MON2: variants seen among roughly 807,000 people sequenced by gnomAD.
MON2 encodes the protein protein MON2 homolog.
A neutral mutation model predicts 208.6 loss-of-function variants in MON2; 84 were observed. That is an observed-to-expected ratio of 0.40 (90% confidence interval 0.34 to 0.48). MON2 has a LOEUF of 0.48. Among genes scored for constraint, MON2 ranks in the 20% least tolerant of loss-of-function variants. The pLI is 0.59. For synonymous variants in MON2, 660 were observed against 694.0 expected (o/e 0.95, Z 0.77); for missense variants, 1,611 against 2,015.4 (o/e 0.80, Z 3.84).
chr12:62,547,511 G>A (rs1436336750), intron 22 of MON2, among the ~76,000 whole-genome samples: 2 of 152,178 alleles, frequency 1.3e-5, no homozygotes, highest in African/African-American at 4.8e-5. Context: ...TTGCTTTAAA[G>A]TAACTTTTTC....
rs1014945983 is a variant in MON2 at position 62,547,762 on chromosome 12, G to A, written c.2753+690G>A. 5.3e-5 allele frequency among the ~76,000 whole-genome samples: 8 copies of A among 151,928 alleles called. 1 individual carries two copies. Among genetic ancestry groups the A allele is most frequent in the Admixed American group, 2.6e-4 (4 of 15,246 alleles). On this transcript the variant is annotated intron_variant, in intron 22 of 34. Transcript: ENST00000393630. Reference sequence around the variant, plus strand: ...CGTTTTCTATGTTTAGATATGTTTCGGTACATAAATACTTATATTATGTTA... The same window carrying A: ...CGTTTTCTATGTTTAGATATGTTTCAGTACATAAATACTTATATTATGTTA...
chr12:62,496,761 C>T (rs2070511648), intron 4 of MON2, among the ~76,000 whole-genome samples: 1 of 152,152 alleles, frequency 6.6e-6, no homozygotes, highest in African/African-American at 2.4e-5. Context: ...AAAATTCATT[C>T]ATAATGAACT....
chr12:62,541,006 G>A (rs528564186), intron 19 of MON2, among the ~76,000 whole-genome samples: 1 of 152,278 alleles, frequency 6.6e-6, no homozygotes, highest in Non-Finnish European at 1.5e-5. Flanking sequence ...TGTTCTTTAG[G>A]TGTGGCTTTA....
At chr12:62,512,520 AG>A (rs1208253866) in intron 8 of MON2, among the ~76,000 whole-genome samples, 1 of 152,158 alleles carries the variant, frequency 6.6e-6, no homozygotes, top group Non-Finnish European at 1.5e-5. Context: ...CACCGATGCA[AG>A]AGGAGGGTTC....
Position 62,580,120 on chromosome 12 carries a change from T to A in MON2, c.4576-177T>A, listed in dbSNP as rs111663275. 9.8e-5 allele frequency among the ~76,000 whole-genome samples: 15 copies of A among 152,302 alleles called. 1 individual carries two copies. The highest frequency in any genetic ancestry group is 2.9e-4 in the African/African-American group (12 of 41,562). On this transcript the variant is annotated intron_variant, in intron 31 of 34. Transcript: ENST00000393630. The stretch of plus-strand genomic sequence containing the variant: ...TTTGTATTAAAGTTACTAGGACAGA[T>A]GAGAGAAACAGATTAGTAGTCATTC...
rs760947971 is a variant in MON2, at chr12:62,534,896, T to C, written c.1685T>C (p.Leu562Pro). ...EMVNACWCGLLAALSLLLDAS... is the reference protein window; with the variant it reads ...EMVNACWCGLPAALSLLLDAS... ...GTGAATGCCTGCTGGTGTGGTCTTC[T>C]TGCTGCACTCTCACTCCTTCTTGAT... The change falls in exon 13 of 35, where the codon CTT becomes CCT. Residue 562 changes from leucine (L) to proline (P), a missense_variant. Transcript: ENST00000393630. The C allele has an allele frequency of 6.2e-7, 1 of 1,612,558 alleles. No individual in the cohort carries two copies. The highest frequency in any genetic ancestry group is 1.7e-5 in the Admixed American group (1 of 59,968).
Position 62,549,741 on chromosome 12 carries a change from A to T in MON2, c.2827A>T (p.Thr943Ser). ...AGATTTTCTACCAACAATGCCTTGT[A>T]CTTGCCTGCAAATAGTTGTAGATGT... ...VTDFLPTMPC[T>S]CLQIVVDVAG... is the part of the protein sequence containing the mutation. The change falls in exon 23 of 35, where the codon ACT becomes TCT. Residue 943 changes from threonine (T) to serine (S), a missense_variant. Physicochemically the swap from Thr to Ser is moderately conservative, Grantham distance 58. Coordinates refer to ENST00000393630, the MANE Select transcript of MON2 (RefSeq NM_015026.3). The T allele has an allele frequency of 6.2e-7, 1 of 1,613,316 alleles. No individual in the cohort carries two copies.
intron 19 of MON2, among the ~76,000 whole-genome samples, chr12:62,540,240 AC>A (rs978316501): frequency 6.6e-6 from 1 of 152,172 alleles, no homozygotes; most frequent in African/African-American, 2.4e-5. Context: ...AGAGGTTTCT[AC>A]TTTCAAAGAG....
Position 62,524,547 on chromosome 12 carries a change from G to C in MON2, c.1017G>C (p.Leu339=), listed in dbSNP as rs1032975079. The change falls in exon 9 of 35, where the codon CTG becomes CTC. Residue 339 remains leucine, a synonymous_variant. Transcript: ENST00000393630. Reference sequence around the variant, plus strand: ...AATGTGAGATATTTCTGTCACTTCTGGTGAAATTTCTGGATGCAGATAAAC... The same window carrying C: ...AATGTGAGATATTTCTGTCACTTCTCGTGAAATTTCTGGATGCAGATAAAC... ...VTECEIFLSL[L]VKFLDADKPQ... is the part of the protein sequence containing the mutation. 7 of 1,611,932 alleles carry C rather than the reference G, an allele frequency of 4.3e-6. No homozygotes were observed. Among genetic ancestry groups the C allele is most frequent in the Non-Finnish European group, 5.9e-6 (7 of 1,178,292 alleles).
chr12:62,484,119 T>C, intron 1 of MON2, 51 bp from the exon 2 acceptor site: 1 of 1,287,018 alleles, frequency 7.8e-7, no homozygotes, highest in Non-Finnish European at 1.1e-6. Context: ...TTTCCATAGA[T>C]AATTCATTTT....
Position 62,535,524 on chromosome 12 carries a change from G to A in MON2, c.1716-1G>A. On this transcript the variant is annotated splice_acceptor_variant, in intron 13 of 34. Coordinates refer to ENST00000393630, the MANE Select transcript of MON2 (RefSeq NM_015026.3). LOFTEE classifies it high-confidence loss of function. ...GATTAAATAAAATACTTTCTTTTCA[G>A]CACAGATGAAGCTGCCACTGAGAAT... 1.3e-6 allele frequency: 2 copies of A among 1,591,634 alleles called. No homozygotes were observed. Among genetic ancestry groups the A allele is most frequent in the Non-Finnish European group, 1.7e-6 (2 of 1,171,154 alleles).
At chr12:62,577,480 T>A (rs1043694546) in intron 30 of MON2, among the ~76,000 whole-genome samples, 5 of 152,134 alleles carry the variant, frequency 3.3e-5, no homozygotes, top group African/African-American at 1.2e-4. Flanking sequence ...AAATTGTACA[T>A]TATACTTAAT....
rs748325586 is a variant in MON2 at position 62,585,495 on chromosome 12, T to C, written c.4901T>C (p.Leu1634Pro). Residue 1634 changes from leucine to proline, a missense_variant, in exon 33 of 35, where the codon CTT becomes CCT. Physicochemically the swap from Leu to Pro is moderately conservative, Grantham distance 98 (BLOSUM62 -3). Transcript: ENST00000393630. ...EDERLSGKCP[L>P]PRQQVTEIIF... ...GAAAGATTAAGTGGTAAATGCCCTCTTCCAAGGTATATATTTCATTTTATT... is the reference window on the plus strand; with the variant it reads ...GAAAGATTAAGTGGTAAATGCCCTCCTCCAAGGTATATATTTCATTTTATT... 8 of 1,588,704 alleles carry C rather than the reference T, an allele frequency of 5.0e-6. No individual in the cohort carries two copies. In the South Asian group the frequency reaches 9.0e-5, roughly 18 times the overall value.
chr12:62,560,798 A>C lies in MON2; in HGVS notation c.3717A>C (p.Leu1239=). 6.2e-7 allele frequency: 1 copy of C among 1,614,150 alleles called. No individual in the cohort carries two copies. The highest frequency in any genetic ancestry group is 8.5e-7 in the Non-Finnish European group (1 of 1,179,986). ...IVTDELEDLN[L]WWAAWNTWYR... ...CTGATGAGCTTGAAGATTTGAATCTATGGTGGGCTGCGTGGAATACCTGGT... is the reference window on the plus strand; with the variant it reads ...CTGATGAGCTTGAAGATTTGAATCTCTGGTGGGCTGCGTGGAATACCTGGT... The change falls in exon 26 of 35, where the codon CTA becomes CTC. Residue 1239 remains leucine, a synonymous_variant. Coordinates refer to ENST00000393630, the MANE Select transcript of MON2 (RefSeq NM_015026.3).
intron 30 of MON2, among the ~76,000 whole-genome samples, chr12:62,572,915 A>G (rs2074647332): frequency 1.3e-5 from 2 of 152,234 alleles, no homozygotes; most frequent in Non-Finnish European, 2.9e-5. Context: ...GATTGAGTCC[A>G]CAACAGAATG....
chr12:62,501,494 T>C, intron 6 of MON2, 79 bp from the exon 7 acceptor site: 1 of 1,518,184 alleles, frequency 6.6e-7, no homozygotes. Context: ...GATAGATTTT[T>C]TTTAAAGATT....
At position 62,588,819 on chromosome 12, in the gene MON2, CA is replaced by C. The variant is rs1565719395; in HGVS notation, c.4990+666del. On this transcript the variant is annotated intron_variant, in intron 34 of 34. Transcript: ENST00000393630. ...ACTAAACTAAAATTCTCAATCTTCC[CA>C]AATTTTTTCAACCTTTTGTTTATTT... 4.6e-6 allele frequency: 6 copies of C among 1,299,050 alleles called. No homozygotes were observed. In the Admixed American group the frequency reaches 1.4e-4, roughly 31 times the overall value. 80.5% of individuals were successfully genotyped at this position (1,299,050 alleles called of 1,614,324 possible).
At chr12:62,475,130 A>G (rs752321888) in intron 1 of MON2, among the ~76,000 whole-genome samples, 2 of 151,964 alleles carry the variant, frequency 1.3e-5, no homozygotes, top group African/African-American at 2.4e-5. Flanking sequence ...ATCACCCTCA[A>G]ATCTTCTTCA....
chr12:62,522,014 G>A (rs542888188), intron 8 of MON2, among the ~76,000 whole-genome samples: 16 of 152,182 alleles, frequency 1.1e-4, no homozygotes, highest in African/African-American at 3.4e-4. Flanking sequence ...CCAACATGGC[G>A]AAACCCCATC....
Sources: allele counts gnomAD v4.1 joint callset (sites outside exome capture counted in the v4.1 genomes callset), GRCh38; gene constraint gnomAD v4.1.1; transcripts MANE v1.5; gene names NCBI Gene and HGNC (gene_info 2026-07-23, HGNC 2026-07-21).